TUBGCP4: variants seen among roughly 807,000 people sequenced by gnomAD.
The protein encoded by TUBGCP4 is gamma-tubulin complex component 4.
A neutral mutation model predicts 91.6 loss-of-function variants in TUBGCP4; 54 were observed. The ratio of observed to expected loss-of-function variants is 0.59; its 90% CI spans 0.47 to 0.74. TUBGCP4 has a LOEUF of 0.74. Ranked by LOEUF, TUBGCP4 falls within the 30% of genes least tolerant of loss-of-function variation. The probability of loss-of-function intolerance (pLI) is 0.00; values close to 1 mark genes in which losing one functional copy is unlikely to be tolerated. For missense variants in TUBGCP4, 593 were observed against 800.9 expected (o/e 0.74, Z 3.13); for synonymous variants, 297 against 302.8 (o/e 0.98, Z 0.20).
At chr15:43,396,021 T>C (rs2044574080) in intron 11 of TUBGCP4, among the ~76,000 whole-genome samples, 1 of 152,222 alleles carries the variant, frequency 6.6e-6, no homozygotes, top group South Asian at 2.1e-4. Context: ...GTGTGAATGA[T>C]GGAAACTCAC....
rs965107508 is a variant in TUBGCP4, at chr15:43,406,455, T to C, written c.*1241T>C. 2.2e-5 allele frequency: 8 copies of C among 362,982 alleles called. No individual in the cohort carries two copies. Among genetic ancestry groups the C allele is most frequent in the African/African-American group, 1.1e-4 (5 of 47,036 alleles). 22.5% of individuals were successfully genotyped at this position (362,982 alleles called of 1,614,324 possible). A position where few individuals can be genotyped will look rare whatever the true frequency, so the allele number is the denominator to read the frequency against. Reference sequence around the variant, plus strand: ...GCAAACTATGGCCTGCTGTCTGTTTTTGTACAGTTTTACTGAAACACAGCC... The same window carrying C: ...GCAAACTATGGCCTGCTGTCTGTTTCTGTACAGTTTTACTGAAACACAGCC... On this transcript the variant is annotated 3_prime_UTR_variant, in exon 18 of 18. Coordinates refer to ENST00000564079, the MANE Select transcript of TUBGCP4 (RefSeq NM_014444.5).
chr15:43,393,839 A>G (rs1038568561), intron 9 of TUBGCP4, among the ~76,000 whole-genome samples: 6 of 152,140 alleles, frequency 3.9e-5, no homozygotes, highest in Non-Finnish European at 7.3e-5. Flanking sequence ...CGATTAACAA[A>G]ATGTGGTTTC....
At chr15:43,400,720 A>G (rs1030932340) in intron 14 of TUBGCP4, among the ~76,000 whole-genome samples, 1 of 152,078 alleles carries the variant, frequency 6.6e-6, no homozygotes, top group Non-Finnish European at 1.5e-5. Context: ...GTTTGAGACC[A>G]GCCTGGCCAG....
rs762967895 is a variant in TUBGCP4, at chr15:43,383,342, C to T, written c.561C>T (p.Leu187=). 6.2e-7 allele frequency: 1 copy of T among 1,614,172 alleles called. No individual in the cohort carries two copies. The highest frequency in any genetic ancestry group is 8.5e-7 in the Non-Finnish European group (1 of 1,180,022). ...GTCATGGGGTCATGTATAAACAGCT[C>T]TCAGCCTGGATGCTCCATGGACTCC... ...AVCHGVMYKQ[L]SAWMLHGLLL... is the part of the protein sequence containing the mutation. The change falls in exon 7 of 18, where the codon CTC becomes CTT. Residue 187 remains leucine, a synonymous_variant. Transcript: ENST00000564079.
chr15:43,376,722 G>A, intron 3 of TUBGCP4, 97 bp downstream of exon 3: 2 of 1,530,232 alleles, frequency 1.3e-6, no homozygotes, highest in Admixed American at 3.6e-5. Context: ...GTAGTTAAGA[G>A]TGAGCAGTTG....
At position 43,408,731 on chromosome 15, in the gene TUBGCP4, A is replaced by T; in HGVS notation, c.*3517A>T. The T allele has an allele frequency of 1.5e-6, 1 of 657,104 alleles. No individual in the cohort carries two copies. Among genetic ancestry groups the T allele is most frequent in the Non-Finnish European group, 2.6e-6 (1 of 387,698 alleles). 40.7% of individuals were successfully genotyped at this position (657,104 alleles called of 1,614,324 possible). ...AAAAGGTTCCTAGCCAATGTAACCT[A>T]GGGAAATAAACTAGATAAACTCCTG... is the stretch of plus-strand genomic sequence containing the variant. On this transcript the variant is annotated 3_prime_UTR_variant, in exon 18 of 18. Coordinates refer to ENST00000564079, the MANE Select transcript of TUBGCP4 (RefSeq NM_014444.5).
intron 10 of TUBGCP4, 160 bp downstream of exon 10, chr15:43,395,317 T>C: frequency 1.3e-6 from 1 of 778,062 alleles, no homozygotes; most frequent in Non-Finnish European, 2.2e-6. Context: ...GCCACAAATC[T>C]ACGATAATAC....
chr15:43,377,768 AAAC>A (rs1440180041), intron 4 of TUBGCP4, 76 bp from the exon 5 acceptor site: 21 of 1,168,136 alleles, frequency 1.8e-5, no homozygotes, highest in Non-Finnish European at 2.6e-5. Flanking sequence ...AACTATTTAG[AAAC>A]AAAAGCATTT....
intron 1 of TUBGCP4, 146 bp from the exon 2 acceptor site, chr15:43,375,952 G>A (rs1316150096): frequency 1.6e-6 from 2 of 1,249,354 alleles, no homozygotes; most frequent in Non-Finnish European, 2.2e-6. Context: ...GAAGTGCTTT[G>A]GAAATACATT....
chr15:43,404,317 A>G, intron 16 of TUBGCP4, 96 bp from the exon 17 acceptor site: 2 of 1,492,416 alleles, frequency 1.3e-6, no homozygotes, highest in Middle Eastern at 2.0e-4. Context: ...AATTTTGAAC[A>G]AGGCTTTTCC....
At position 43,405,311 on chromosome 15, in the gene TUBGCP4, T is replaced by A; in HGVS notation, c.*97T>A. 1 of 1,396,526 alleles carries A rather than the reference T, an allele frequency of 7.2e-7. No homozygotes were observed. The allele number at this position is 1,396,526 out of a possible 1,614,324, so 86.5% of individuals were successfully genotyped here. A position where few individuals can be genotyped will look rare whatever the true frequency, so the allele number is the denominator to read the frequency against. On this transcript the variant is annotated 3_prime_UTR_variant, in exon 18 of 18. Coordinates refer to ENST00000564079, the MANE Select transcript of TUBGCP4 (RefSeq NM_014444.5). ...TTCTAGCCACACACAAATAAATATC[T>A]GCGGCTTAGTGATAGGACTCTACCT...
In TUBGCP4 at chr15:43,406,787, A is replaced by C. The variant is rs1205415876; in HGVS notation, c.*1573A>C. 2 of 352,846 alleles carry C rather than the reference A, an allele frequency of 5.7e-6. No individual in the cohort carries two copies. The highest frequency in any genetic ancestry group is 4.3e-5 in the African/African-American group (2 of 46,718). 21.9% of individuals were successfully genotyped at this position (352,846 alleles called of 1,614,324 possible). On this transcript the variant is annotated 3_prime_UTR_variant, in exon 18 of 18. Coordinates refer to ENST00000564079, the MANE Select transcript of TUBGCP4 (RefSeq NM_014444.5). Reference sequence around the variant, plus strand: ...TGTGCTTCCCATGTTTATCTTACGGAAGGTCATTCCATCAAGCTTATGGTC... The same window carrying C: ...TGTGCTTCCCATGTTTATCTTACGGCAGGTCATTCCATCAAGCTTATGGTC...
Position 43,407,331 on chromosome 15 carries a change from A to AAAAC in TUBGCP4, c.*2119_*2122dup. ...CACAAGACACATTTAAAACCTGGTT[A>AAAAC]AAACACAATCTCCACGATAGCAGGG... On this transcript the variant is annotated 3_prime_UTR_variant, in exon 18 of 18. Coordinates refer to ENST00000564079, the MANE Select transcript of TUBGCP4 (RefSeq NM_014444.5). 1.3e-6 allele frequency: 2 copies of AAAAC among 1,550,014 alleles called. No individual in the cohort carries two copies. The highest frequency in any genetic ancestry group is 1.4e-5 in the African/African-American group (1 of 73,882).
intron 13 of TUBGCP4, among the ~76,000 whole-genome samples, chr15:43,399,465 C>A (rs2044631849): frequency 6.6e-6 from 1 of 152,126 alleles, no homozygotes. Flanking sequence ...CTGCCTCAAC[C>A]TCCCAAGCAG....
rs1168841881 is a variant in TUBGCP4 at position 43,385,867 on chromosome 15, A to G, written c.800A>G (p.Tyr267Cys). 3.7e-6 allele frequency: 6 copies of G among 1,614,110 alleles called. No individual in the cohort carries two copies. Among genetic ancestry groups the G allele is most frequent in the Non-Finnish European group, 5.1e-6 (6 of 1,180,016 alleles). Residue 267 changes from tyrosine to cysteine, a missense_variant, in exon 8 of 18, where the codon TAC (tyrosine) becomes TGC (cysteine). By Grantham distance (194) the Tyr-to-Cys change is radical. Coordinates refer to ENST00000564079, the MANE Select transcript of TUBGCP4 (RefSeq NM_014444.5). Reference protein sequence around the residue: ...FSLRVEILPSYIPVRVAEKIL... With the variant: ...FSLRVEILPSCIPVRVAEKIL... Reference sequence around the variant, plus strand: ...CTACGAGTGGAGATTTTGCCATCCTACATTCCAGTGAGGGTTGCTGAAAAA... The same window carrying G: ...CTACGAGTGGAGATTTTGCCATCCTGCATTCCAGTGAGGGTTGCTGAAAAA...
intron 1 of TUBGCP4, 35 bp downstream of exon 1, chr15:43,371,467 C>T: frequency 2.5e-6 from 4 of 1,608,390 alleles, no homozygotes; most frequent in South Asian, 1.1e-5. Context: ...AACCAGGGAG[C>T]GCAGGAGGGG....
chr15:43,406,602 A>G lies in TUBGCP4; in HGVS notation c.*1388A>G, dbSNP rs2044896240. The G allele has an allele frequency of 4.4e-6, 2 of 455,950 alleles. No individual in the cohort carries two copies. The highest frequency in any genetic ancestry group is 2.4e-5 in the Admixed American group (1 of 42,548). The allele number at this position is 455,950 out of a possible 1,614,324, so 28.2% of individuals were successfully genotyped here. A position where few individuals can be genotyped will look rare whatever the true frequency, so the allele number is the denominator to read the frequency against. ...TATTTACTCTTTGACCCTTTACAGA[A>G]AAAAACCTTGTTGACCCCTGCTTTA... On this transcript the variant is annotated 3_prime_UTR_variant, in exon 18 of 18. Coordinates refer to ENST00000564079, the MANE Select transcript of TUBGCP4 (RefSeq NM_014444.5).
intron 14 of TUBGCP4, 73 bp downstream of exon 14, chr15:43,400,294 AGG>A: frequency 2.4e-6 from 3 of 1,225,800 alleles, no homozygotes; most frequent in Non-Finnish European, 3.4e-6. Context: ...AGTATTGAAT[AGG>A]GACTACAAGT....
intron 17 of TUBGCP4, 123 bp from the exon 18 acceptor site, chr15:43,405,079 C>T (rs2044821676): frequency 1.8e-6 from 2 of 1,137,042 alleles, no homozygotes; most frequent in South Asian, 2.8e-5. Context: ...GCAGAAGAGT[C>T]AAAAGAAACT....
Sources: gnomAD v4.1 joint callset for allele counts (sites outside exome capture counted in the v4.1 genomes callset) on GRCh38, gnomAD v4.1.1 for gene constraint, MANE v1.5 for transcripts, NCBI Gene and HGNC (gene_info 2026-07-23, HGNC 2026-07-21) for gene names.